Variants in MACROD2 observed in about 807,000 individuals in gnomAD.
MACROD2 encodes mono-ADP ribosylhydrolase 2.
In MACROD2, 36 loss-of-function variants were observed where a neutral mutation model predicts 70.4. The ratio of observed to expected loss-of-function variants is 0.51; its 90% CI spans 0.39 to 0.68. The LOEUF is 0.68. MACROD2 is among the 30% of genes least tolerant of loss of function. The probability of loss-of-function intolerance (pLI) is 0.00; values close to 1 mark genes in which losing one functional copy is unlikely to be tolerated. For synonymous variants in MACROD2, 172 were observed against 178.8 expected (o/e 0.96, Z 0.30); for missense variants, 496 against 538.4 (o/e 0.92, Z 0.78).
intron 5 of MACROD2, among the ~76,000 whole-genome samples, chr20:14,767,758 T>G (rs2072110431): frequency 6.6e-6 from 1 of 151,944 alleles, no homozygotes; most frequent in South Asian, 2.1e-4. Flanking sequence ...GTCATCTACA[T>G]TAGGTATTTC....
At chr20:15,301,264 T>G (rs2077639690) in intron 6 of MACROD2, among the ~76,000 whole-genome samples, 1 of 152,178 alleles carries the variant, frequency 6.6e-6, no homozygotes, top group South Asian at 2.1e-4. Context: ...CCCTTTTTGT[T>G]GATTGGGACC....
At chr20:15,814,089 AGAG>A (rs1433879303) in intron 8 of MACROD2, among the ~76,000 whole-genome samples, 1 of 152,168 alleles carries the variant, frequency 6.6e-6, no homozygotes, top group Non-Finnish European at 1.5e-5. Context: ...AGAAATAGGA[AGAG>A]AAGAAGAGAG....
intron 5 of MACROD2, among the ~76,000 whole-genome samples, chr20:14,851,325 T>G (rs1042132262): frequency 1.2e-4 from 18 of 152,134 alleles, no homozygotes; most frequent in African/African-American, 4.1e-4. Flanking sequence ...TAAGATCAGT[T>G]TAGTTGCTAA....
chr20:15,039,876 AGTT>A (rs963139999), intron 5 of MACROD2, among the ~76,000 whole-genome samples: 10 of 152,050 alleles, frequency 6.6e-5, no homozygotes, highest in African/African-American at 2.4e-4. Flanking sequence ...ATCAGAACCT[AGTT>A]GTTGTAAAGT....
chr20:15,638,634 C>T (rs2049406478), intron 8 of MACROD2, among the ~76,000 whole-genome samples: 1 of 152,132 alleles, frequency 6.6e-6, no homozygotes, highest in Non-Finnish European at 1.5e-5. Context: ...TTCCTGGATT[C>T]CTCTTTTGAC....
intron 3 of MACROD2, among the ~76,000 whole-genome samples, chr20:14,410,416 G>A (rs952629486): frequency 6.6e-6 from 1 of 152,082 alleles, no homozygotes; most frequent in Non-Finnish European, 1.5e-5. Context: ...CCCAGTGTCT[G>A]TTCTTGTCTT....
At chr20:15,304,448 T>C (rs2077676449) in intron 6 of MACROD2, among the ~76,000 whole-genome samples, 1 of 152,204 alleles carries the variant, frequency 6.6e-6, no homozygotes, top group Non-Finnish European at 1.5e-5. Context: ...CAAGACTGGA[T>C]TGGCATTCCT....
intron 12 of MACROD2, among the ~76,000 whole-genome samples, chr20:15,959,176 TGTAA>T (rs1346091115): frequency 7.9e-5 from 12 of 152,266 alleles, no homozygotes; most frequent in African/African-American, 2.9e-4. Flanking sequence ...TTAAGGTTCT[TGTAA>T]GTTTTTTACA....
At chr20:15,336,819 T>G (rs1006394020) in intron 6 of MACROD2, among the ~76,000 whole-genome samples, 1 of 151,674 alleles carries the variant, frequency 6.6e-6, no homozygotes, top group Non-Finnish European at 1.5e-5. Flanking sequence ...TTTCAACAGG[T>G]CTTTTGACTT....
intron 3 of MACROD2, among the ~76,000 whole-genome samples, chr20:14,416,287 ATTAAAATACTGTTAATAT>A (rs1435520704): frequency 6.6e-6 from 1 of 152,048 alleles, no homozygotes; most frequent in Non-Finnish European, 1.5e-5. Context: ...TAGCTTTTAT[ATTAAAATACTGTTAATAT>A]AAAATTAATC....
chr20:15,959,830 C>T (rs2066034088), intron 12 of MACROD2, among the ~76,000 whole-genome samples: 1 of 152,106 alleles, frequency 6.6e-6, no homozygotes, highest in East Asian at 1.9e-4. Flanking sequence ...CCATGCCCGG[C>T]CCAAACTTCT....
intron 3 of MACROD2, among the ~76,000 whole-genome samples, chr20:14,093,373 C>G (rs2054178606): frequency 6.6e-6 from 1 of 152,086 alleles, no homozygotes; most frequent in South Asian, 2.1e-4. Flanking sequence ...AGGTGTGAGC[C>G]ACCTTGCCTG....
chr20:14,020,964 A>ATACT (rs2053068624), intron 2 of MACROD2, among the ~76,000 whole-genome samples: 1 of 146,634 alleles, frequency 6.8e-6, no homozygotes, highest in Non-Finnish European at 1.5e-5. Context: ...ATTCCCCTGT[A>ATACT]TACACAACTG....
chr20:14,794,431 C>G (rs1428544376), intron 5 of MACROD2, among the ~76,000 whole-genome samples: 1 of 152,070 alleles, frequency 6.6e-6, no homozygotes, highest in Non-Finnish European at 1.5e-5. Context: ...ACTTGTCATT[C>G]TTCTCCAGTT....
chr20:14,786,727 A>G (rs2072379269), intron 5 of MACROD2, among the ~76,000 whole-genome samples: 1 of 152,058 alleles, frequency 6.6e-6, no homozygotes, highest in Non-Finnish European at 1.5e-5. Flanking sequence ...GAATGCCCAC[A>G]GTCTTTTGTT....
rs191319567 is a variant in MACROD2, at chr20:14,201,215, A to G, written c.271+115487A>G. 9.2e-5 allele frequency among the ~76,000 whole-genome samples: 14 copies of G among 152,292 alleles called. No homozygotes were observed. The East Asian group carries it at 2.7e-3, about 29-fold the overall frequency. On this transcript the variant is annotated intron_variant, in intron 3 of 17. Transcript: ENST00000684519. ...ATCAGAATTACAAGTTAGTAGAAAA[A>G]TGTTTCAAGTTACATTCTTCTCTTT...
chr20:15,760,468 C>T (rs1222534381), intron 8 of MACROD2, among the ~76,000 whole-genome samples: 1 of 152,130 alleles, frequency 6.6e-6, no homozygotes, highest in Non-Finnish European at 1.5e-5. Flanking sequence ...CTGCAGGAAA[C>T]ATTTCTGGGA....
At chr20:15,874,285 G>A (rs1344510131) in intron 9 of MACROD2, among the ~76,000 whole-genome samples, 1 of 152,126 alleles carries the variant, frequency 6.6e-6, no homozygotes, top group East Asian at 1.9e-4. Context: ...TGGTGTATAT[G>A]TGCCATATTT....
At chr20:14,890,196 G>T (rs2073736039) in intron 5 of MACROD2, among the ~76,000 whole-genome samples, 1 of 152,040 alleles carries the variant, frequency 6.6e-6, no homozygotes, top group South Asian at 2.1e-4. Context: ...TCAGGAGAGA[G>T]ATCTGGGCAA....
Sources: allele counts gnomAD v4.1 joint callset (sites outside exome capture counted in the v4.1 genomes callset), GRCh38; gene constraint gnomAD v4.1.1; transcripts MANE v1.5; gene names NCBI Gene and HGNC (gene_info 2026-07-23, HGNC 2026-07-21).